Variants in PHC3 observed in about 807,000 individuals in gnomAD.
The protein encoded by PHC3 is polyhomeotic homolog 3.
A neutral mutation model predicts 107.4 loss-of-function variants in PHC3; 13 were observed. The ratio of observed to expected loss-of-function variants is 0.12; its 90% CI spans 0.08 to 0.19. PHC3 has a LOEUF of 0.19. PHC3 is among the 10% of genes least tolerant of loss of function. PHC3 has a pLI of 1.00. For missense variants in PHC3, 992 were observed against 1,210.9 expected, an observed-to-expected ratio of 0.82 and a Z score of 2.68; for synonymous variants, 456 against 427.4, an observed-to-expected ratio of 1.07 and a Z score of -0.83.
At chr3:170,152,694 T>C (rs1726207936) in intron 4 of PHC3, among the ~76,000 whole-genome samples, 1 of 151,788 alleles carries the variant, frequency 6.6e-6, no homozygotes, top group Non-Finnish European at 1.5e-5. Flanking sequence ...AGGGTCTCCC[T>C]CTGTCACCCA....
chr3:170,130,042 C>T (rs1177528890), intron 7 of PHC3, among the ~76,000 whole-genome samples: 1 of 152,144 alleles, frequency 6.6e-6, no homozygotes, highest in East Asian at 1.9e-4. Flanking sequence ...TAGAAAATAT[C>T]ATAAAATACA....
chr3:170,130,785 G>C (rs1722119421), intron 7 of PHC3, among the ~76,000 whole-genome samples: 1 of 152,200 alleles, frequency 6.6e-6, no homozygotes, highest in African/African-American at 2.4e-5. Context: ...TATAGAAAGG[G>C]AGATGCTGAT....
At chr3:170,143,555 G>A (rs1724451997) in intron 6 of PHC3, among the ~76,000 whole-genome samples, 1 of 152,076 alleles carries the variant, frequency 6.6e-6, no homozygotes, top group South Asian at 2.1e-4. Flanking sequence ...AGAAGCCAAA[G>A]ATGACCCTAA....
chr3:170,179,081 A>G (rs1046183789), intron 1 of PHC3, 143 bp from the exon 2 acceptor site: 7 of 723,738 alleles, frequency 9.7e-6, no homozygotes, highest in Middle Eastern at 2.9e-4. Flanking sequence ...CAGTCACTAT[A>G]AGCACTTAGA....
At chr3:170,130,139 G>A (rs1238503943) in intron 7 of PHC3, among the ~76,000 whole-genome samples, 1 of 152,058 alleles carries the variant, frequency 6.6e-6, no homozygotes, top group East Asian at 1.9e-4. Context: ...TATTTTATAG[G>A]TCACCTGAAT....
chr3:170,138,490 G>C (rs1418287386), intron 6 of PHC3, among the ~76,000 whole-genome samples: 1 of 152,050 alleles, frequency 6.6e-6, no homozygotes, highest in African/African-American at 2.4e-5. Flanking sequence ...AGGAGTTTGA[G>C]AGCAGCCTGG....
intron 6 of PHC3, among the ~76,000 whole-genome samples, chr3:170,144,144 AC>A (rs1249084435): frequency 1.3e-5 from 2 of 149,314 alleles, no homozygotes; most frequent in African/African-American, 4.9e-5. Context: ...ACATGGTGAA[AC>A]CCTGTTTCTA....
At chr3:170,151,832 T>C (rs1726036839) in intron 4 of PHC3, among the ~76,000 whole-genome samples, 1 of 152,070 alleles carries the variant, frequency 6.6e-6, no homozygotes, top group Admixed American at 6.5e-5. Flanking sequence ...CCCTGTACGG[T>C]TCCATAACCC....
intron 4 of PHC3, chr3:170,150,800 G>T: frequency 2.9e-6 from 1 of 345,248 alleles, no homozygotes; most frequent in South Asian, 2.1e-5. Context: ...GTAACTGGTT[G>T]TATCTATAAA....
chr3:170,120,268 T>C (rs1719972256), intron 9 of PHC3, among the ~76,000 whole-genome samples: 1 of 152,156 alleles, frequency 6.6e-6, no homozygotes, highest in South Asian at 2.1e-4. Flanking sequence ...TTCTTAAGTC[T>C]TATGAGGTAT....
At chr3:170,116,375 T>C (rs1446854468) in intron 10 of PHC3, among the ~76,000 whole-genome samples, 2 of 151,960 alleles carry the variant, frequency 1.3e-5, no homozygotes, top group Non-Finnish European at 2.9e-5. Context: ...ACCAGCCTGG[T>C]CAAGATGGTG....
chr3:170,136,106 ATAT>A (rs1723029025), intron 7 of PHC3, among the ~76,000 whole-genome samples: 1 of 152,222 alleles, frequency 6.6e-6, no homozygotes, highest in African/African-American at 2.4e-5. Flanking sequence ...CCACTGAAGT[ATAT>A]TAAATAAACT....
intron 1 of PHC3, 86 bp from the exon 2 acceptor site, chr3:170,179,024 A>G (rs1577301625): frequency 7.6e-7 from 1 of 1,315,482 alleles, no homozygotes; most frequent in South Asian, 1.4e-5. Flanking sequence ...AATAATCAGC[A>G]GTAATCTAAA....
chr3:170,122,761 T>C lies in PHC3; in HGVS notation c.1789-17A>G, dbSNP rs2108422080. On this transcript the variant is annotated splice_polypyrimidine_tract_variant and intron_variant, in intron 8 of 14. Transcript: ENST00000495893. ...CTGATAAACCTGCAATGACAAACCA[T>C]ACTGCCTTAAAATGTTTCCAAAACT... The C allele has an allele frequency of 6.2e-7, 1 of 1,612,468 alleles. No individual in the cohort carries two copies. The highest frequency in any genetic ancestry group is 1.3e-5 in the African/African-American group (1 of 75,026).
chr3:170,121,741 C>T (rs1371368139), intron 9 of PHC3, among the ~76,000 whole-genome samples: 1 of 152,118 alleles, frequency 6.6e-6, no homozygotes, highest in African/African-American at 2.4e-5. Flanking sequence ...TCATATATGG[C>T]TTAGAATGCT....
In PHC3 at chr3:170,148,937, G is replaced by A. The variant is rs974783464; in HGVS notation, c.573+149C>T. 1.9e-5 allele frequency: 12 copies of A among 644,556 alleles called. No individual in the cohort carries two copies. In the African/African-American group the frequency reaches 2.2e-4, roughly 12 times the overall value. 39.9% of individuals were successfully genotyped at this position (644,556 alleles called of 1,614,324 possible). On this transcript the variant is annotated intron_variant, in intron 5 of 14. Coordinates refer to ENST00000495893, the MANE Select transcript of PHC3 (RefSeq NM_024947.4). ...AAGTAGAATCTTTCATGACATAAAT[G>A]TACAAGAGCTGAAGGCACGCCCGCA...
intron 14 of PHC3, among the ~76,000 whole-genome samples, chr3:170,098,648 G>A (rs1000363127): frequency 6.6e-6 from 1 of 152,150 alleles, no homozygotes; most frequent in Non-Finnish European, 1.5e-5. Context: ...AGAGCTATCT[G>A]TAAGAGTAAT....
At position 170,090,755 on chromosome 3, in the gene PHC3, G is replaced by A. The variant is rs1714014309; in HGVS notation, c.*6475C>T. Reference sequence around the variant, plus strand: ...GTACAGGCACCATACTGCATATCTGGAAGCTGTTAAAACAGCTGAGTAATT... The same window carrying A: ...GTACAGGCACCATACTGCATATCTGAAAGCTGTTAAAACAGCTGAGTAATT... On this transcript the variant is annotated 3_prime_UTR_variant, in exon 15 of 15. Transcript: ENST00000495893. The A allele has an allele frequency of 6.6e-6, 1 of 152,118 alleles. No individual in the cohort carries two copies. The highest frequency in any genetic ancestry group is 6.6e-5 in the Admixed American group (1 of 15,266). 9.4% of individuals were successfully genotyped at this position (152,118 alleles called of 1,614,324 possible).
intron 4 of PHC3, among the ~76,000 whole-genome samples, chr3:170,162,177 T>C (rs1728000457): frequency 1.3e-5 from 2 of 152,188 alleles, no homozygotes; most frequent in African/African-American, 2.4e-5. Context: ...TCTACTCAAC[T>C]TTCTCTCATC....
Sources: allele counts gnomAD v4.1 joint callset (sites outside exome capture counted in the v4.1 genomes callset), GRCh38; gene constraint gnomAD v4.1.1; transcripts MANE v1.5; gene names NCBI Gene and HGNC (gene_info 2026-07-23, HGNC 2026-07-21).